The following THTPA variants were observed in gnomAD, a reference collection of about 807,000 sequenced individuals.
THTPA encodes thiamine triphosphatase.
THTPA carries 16 observed loss-of-function variants against 16.5 expected under a neutral mutation model. The ratio of observed to expected loss-of-function variants is 0.97; its 90% CI spans 0.66 to 1.47. THTPA has a LOEUF of 1.47. Ranked by LOEUF, THTPA falls within the 40% of genes most tolerant of loss-of-function variation. The pLI is 0.00. For missense variants in THTPA, 281 were observed against 280.9 expected, an observed-to-expected ratio of 1.00 and a Z score of 0.00; for synonymous variants, 110 against 115.5, an observed-to-expected ratio of 0.95 and a Z score of 0.30.
the THTPA span, chr14:23,533,730 G>A: frequency 6.4e-7 from 1 of 1,553,290 alleles, no homozygotes; most frequent in African/African-American, 1.4e-5. The surrounding 1 kb of genome is among the most constrained non-coding windows in gnomAD (Gnocchi z 4.8). Context: ...GGTTGGCCAG[G>A]TGCTTGTCAG....
At chr14:23,532,690 A>G in the THTPA span, 2 of 1,529,254 alleles carry the variant, frequency 1.3e-6, no homozygotes, top group Non-Finnish European at 1.7e-6. Context: ...CAGACCCATA[A>G]GGAGCCCCAT....
chr14:23,522,401 C>G, the THTPA span: 1 of 1,536,380 alleles, frequency 6.5e-7, no homozygotes, highest in Non-Finnish European at 8.7e-7. Context: ...ACCAGCTTCC[C>G]CCTCCCCTGG....
chr14:23,535,256 G>A, the THTPA span: 2 of 1,508,640 alleles, frequency 1.3e-6, no homozygotes, highest in Non-Finnish European at 1.8e-6. The surrounding 1 kb of genome is among the most constrained non-coding windows in gnomAD (Gnocchi z 4.5). Flanking sequence ...GTGTCCGAAG[G>A]CAGGGACGGG....
At chr14:23,515,832 C>T in the THTPA span, among the ~76,000 whole-genome samples, 1 of 152,126 alleles carries the variant, frequency 6.6e-6, no homozygotes, top group African/African-American at 2.4e-5. Context: ...AAGGTGTTTT[C>T]CACAGCAGAG....
At chr14:23,547,774 C>G in the THTPA span, among the ~76,000 whole-genome samples, 2 of 152,212 alleles carry the variant, frequency 1.3e-5, no homozygotes, top group Non-Finnish European at 2.9e-5. Flanking sequence ...CCCAGCCTCT[C>G]CCTACTAATT....
At chr14:23,553,745 T>A (rs1882141528), upstream of THTPA, among the ~76,000 whole-genome samples, 1 of 150,622 alleles carries the variant, frequency 6.6e-6, no homozygotes, top group Non-Finnish European at 1.5e-5. Context: ...TTACAAAAAA[T>A]TAGCCGGGCA....
Position 23,560,059 on chromosome 14 carries a change from G to A in THTPA, c.*1219G>A, listed in dbSNP as rs1360594798. ...ACTCTGAACACAGGAGTTTAACAGAGCACAGTATGGCAGTAGGTAGGGCTC... is the reference window on the plus strand; with the variant it reads ...ACTCTGAACACAGGAGTTTAACAGAACACAGTATGGCAGTAGGTAGGGCTC... On this transcript the variant is annotated 3_prime_UTR_variant, in exon 2 of 2. Transcript: ENST00000288014. 2 of 1,522,772 alleles carry A rather than the reference G, an allele frequency of 1.3e-6. No individual in the cohort carries two copies. The highest frequency in any genetic ancestry group is 1.8e-6 in the Non-Finnish European group (2 of 1,104,564). 94.3% of individuals were successfully genotyped at this position (1,522,772 alleles called of 1,614,324 possible).
chr14:23,530,325 G>A, the THTPA span: 16 of 757,074 alleles, frequency 2.1e-5, no homozygotes, highest in Non-Finnish European at 3.4e-5. Flanking sequence ...GCAGGTAGGA[G>A]AGTATGAAAA....
At chr14:23,516,007 T>G in the THTPA span, among the ~76,000 whole-genome samples, 1 of 152,136 alleles carries the variant, frequency 6.6e-6, no homozygotes, top group South Asian at 2.1e-4. Context: ...AAATCTGAGG[T>G]TATGATAAGC....
At chr14:23,535,229 G>A in the THTPA span, 3 of 1,522,386 alleles carry the variant, frequency 2.0e-6, no homozygotes, top group South Asian at 3.6e-5. The surrounding 1 kb of genome is among the most constrained non-coding windows in gnomAD (Gnocchi z 4.5). Flanking sequence ...GGATCAGAGG[G>A]GGTGCTGGAG....
At chr14:23,534,807 A>T in the THTPA span, 2 of 1,536,158 alleles carry the variant, frequency 1.3e-6, no homozygotes, top group Non-Finnish European at 1.7e-6. The surrounding 1 kb of genome is among the most constrained non-coding windows in gnomAD (Gnocchi z 4.5). Context: ...GGTCAAAGCC[A>T]TGTTGGATGT....
the THTPA span, chr14:23,530,240 G>T: frequency 1.4e-6 from 2 of 1,392,158 alleles, no homozygotes; most frequent in Non-Finnish European, 9.8e-7. Flanking sequence ...TGTGGCATCA[G>T]GGAAGGGAGG....
chr14:23,551,788 G>A (rs955219320), upstream of THTPA: 7 of 152,516 alleles, frequency 4.6e-5, no homozygotes, highest in African/African-American at 1.7e-4. This position sits in a 1 kb window ranked among gnomAD's most constrained non-coding sequence, Gnocchi z 5.3. Context: ...GGCGCCCGGG[G>A]CTGCCCCACT....
At chr14:23,522,005 G>C in the THTPA span, 10 of 1,536,378 alleles carry the variant, frequency 6.5e-6, no homozygotes, top group Non-Finnish European at 8.7e-6. Flanking sequence ...TTTTGGGTTG[G>C]AGTCCGTGTG....
chr14:23,542,227 T>C, the THTPA span: 1 of 152,556 alleles, frequency 6.6e-6, no homozygotes, highest in East Asian at 1.9e-4. Context: ...GCAAGGAGGC[T>C]GTCTCTTGCA....
chr14:23,533,650 C>T, the THTPA span: 7 of 1,536,956 alleles, frequency 4.6e-6, no homozygotes, highest in African/African-American at 6.8e-5. The surrounding 1 kb of genome is among the most constrained non-coding windows in gnomAD (Gnocchi z 4.8). Flanking sequence ...CTCTTTGTCT[C>T]CCGCGGAGGG....
chr14:23,526,023 C>G, the THTPA span: 7 of 1,535,476 alleles, frequency 4.6e-6, no homozygotes, highest in Non-Finnish European at 6.1e-6. Context: ...CCCTTCTTCT[C>G]AGTGCCCACC....
chr14:23,518,711 G>C, the THTPA span, among the ~76,000 whole-genome samples: 2 of 152,184 alleles, frequency 1.3e-5, no homozygotes, highest in Admixed American at 6.5e-5. The surrounding 1 kb of genome is among the most constrained non-coding windows in gnomAD (Gnocchi z 4.5). Context: ...GGTTAGGGGT[G>C]GGGGAGGTAC....
At chr14:23,553,978 C>T (rs1882157295), upstream of THTPA, among the ~76,000 whole-genome samples, 3 of 129,366 alleles carry the variant, frequency 2.3e-5, no homozygotes, top group Admixed American at 2.7e-4. Flanking sequence ...GCGGGAGAAT[C>T]ATTTGAACCC....
Sources: allele counts gnomAD v4.1 joint callset (sites outside exome capture counted in the v4.1 genomes callset), GRCh38; gene constraint gnomAD v4.1.1; non-coding constraint Gnocchi (gnomAD v3.1); transcripts MANE v1.5; gene names NCBI Gene and HGNC (gene_info 2026-07-23, HGNC 2026-07-21).